The following ADGRG4 variants were observed in gnomAD, a reference collection of about 807,000 sequenced individuals.
The protein encoded by ADGRG4 is G protein-coupled receptor 112.
Under a neutral mutation model 126.2 loss-of-function variants are expected in ADGRG4, and 122 were observed. The observed-to-expected ratio is 0.97, with a 90% CI of 0.83 to 1.12. The LOEUF (loss-of-function observed/expected upper bound fraction) is 1.12. ADGRG4 is among the 50% of genes most tolerant of loss of function. The pLI, the probability that ADGRG4 is intolerant of heterozygous loss-of-function variation, is 0.00. For missense variants in ADGRG4, 2,481 were observed against 2,251.8 expected, an observed-to-expected ratio of 1.10 and a Z score of -2.06; for synonymous variants, 943 against 838.7, an observed-to-expected ratio of 1.12 and a Z score of -2.15.
At chrX:136,312,127 G>A (rs1361197183) in intron 4 of ADGRG4, among the ~76,000 whole-genome samples, 2 of 112,070 alleles carry the variant, frequency 1.8e-5, no homozygotes, top group Non-Finnish European at 3.8e-5. Context: ...CATGTGGCTA[G>A]GTTTTAATTA....
At chrX:136,416,370 A>G in intron 25 of ADGRG4, 84 bp from the exon 26 acceptor site, 1 of 718,332 alleles carries the variant, frequency 1.4e-6, no homozygotes, top group Non-Finnish European at 2.1e-6. Flanking sequence ...TTTTTCCTTC[A>G]TTTGATAAAA....
Position 136,405,862 on chromosome X carries a change from C to T in ADGRG4, c.8825C>T (p.Thr2942Ile). 4 of 1,205,658 alleles carry T rather than the reference C, an allele frequency of 3.3e-6. No homozygotes were observed. The highest frequency in any genetic ancestry group is 2.3e-4 in the Middle Eastern group (1 of 4,329). The part of the protein sequence containing the change: ...RKMILHDLKG[T>I]MSLTFLLGLT... ...ATGATCCTGCATGACCTCAAAGGCA[C>T]AATGAGCCTGACATTCTTACTTGGC... The change falls in exon 23 of 26, where the codon ACA (threonine) becomes ATA (isoleucine). Residue 2942 changes from threonine to isoleucine, a missense_variant. Coordinates refer to ENST00000394143, the MANE Select transcript of ADGRG4 (RefSeq NM_153834.4).
rs1368094123 is a variant in ADGRG4 at position 136,345,636 on chromosome X, G to T, written c.1930G>T (p.Glu644Ter). Residue 644 changes from glutamate to a stop codon, truncating the protein, a stop_gained, in exon 6 of 26, where the codon GAA (glutamate) becomes TAA (stop). Coordinates refer to ENST00000394143, the MANE Select transcript of ADGRG4 (RefSeq NM_153834.4). LOFTEE classifies it high-confidence loss of function. ...GTCAGGTCCCACATCCACAACTGAT[G>T]AAGCTGCCCATCTGTTCTCCAGCAA... is the stretch of plus-strand genomic sequence containing the variant. ...PESGPTSTTD[E>*]AAHLFSSNET... 1.7e-6 allele frequency: 2 copies of T among 1,211,011 alleles called. No individual in the cohort carries two copies. The highest frequency in any genetic ancestry group is 2.2e-6 in the Non-Finnish European group (2 of 895,076).
intron 8 of ADGRG4, 117 bp downstream of exon 8, chrX:136,353,518 A>T: frequency 1.9e-6 from 1 of 515,678 alleles, no homozygotes; most frequent in East Asian, 3.5e-5. Context: ...CCACATTTTT[A>T]GTTGCATCTT....
At chrX:136,412,938 C>G (rs180709642) in intron 24 of ADGRG4, among the ~76,000 whole-genome samples, 2 of 111,857 alleles carry the variant, frequency 1.8e-5, no homozygotes, top group East Asian at 5.6e-4. Flanking sequence ...CCATTCAATT[C>G]AGGCAGCTTC....
At chrX:136,401,911 C>T (rs2075381346) in intron 21 of ADGRG4, among the ~76,000 whole-genome samples, 1 of 111,656 alleles carries the variant, frequency 9.0e-6, no homozygotes, top group Non-Finnish European at 1.9e-5. Context: ...GGAGATGGCC[C>T]CGGAGCACCT....
intron 4 of ADGRG4, among the ~76,000 whole-genome samples, chrX:136,320,393 G>C (rs2074832513): frequency 9.0e-6 from 1 of 111,571 alleles, no homozygotes. Flanking sequence ...TACTTAATTG[G>C]CACTCCCACT....
intron 19 of ADGRG4, among the ~76,000 whole-genome samples, chrX:136,396,216 T>G (rs1327642682): frequency 9.1e-6 from 1 of 109,644 alleles, no homozygotes; most frequent in Non-Finnish European, 1.9e-5. Context: ...AATGTATTCC[T>G]TTTTCTCTAC....
At chrX:136,365,875 A>G (rs908113795) in intron 13 of ADGRG4, among the ~76,000 whole-genome samples, 1 of 111,608 alleles carries the variant, frequency 9.0e-6, no homozygotes, top group African/African-American at 3.3e-5. Flanking sequence ...TAATGTTTAT[A>G]GACTTTATTT....
At chrX:136,301,574 A>G (rs1460709690) in intron 1 of ADGRG4, among the ~76,000 whole-genome samples, 1 of 112,164 alleles carries the variant, frequency 8.9e-6, no homozygotes, top group Non-Finnish European at 1.9e-5. Flanking sequence ...TTTGCTGTGC[A>G]GAAGCCCTTT....
Position 136,400,104 on chromosome X carries a change from C to T in ADGRG4, c.8563C>T (p.Leu2855=). The change falls in exon 21 of 26, where the codon CTA becomes TTA. Residue 2855 remains leucine (L), a synonymous_variant. Transcript: ENST00000394143. The part of the protein sequence containing the change: ...YIPNYILKFC[L]VGWGIPAIMV... ...TCCAAATTATATCCTTAAATTTTGTCTAGTTGGTTGGGGTAAGTATATCTG... is the reference window on the plus strand; with the variant it reads ...TCCAAATTATATCCTTAAATTTTGTTTAGTTGGTTGGGGTAAGTATATCTG... 8.4e-7 allele frequency: 1 copy of T among 1,195,189 alleles called. No individual in the cohort carries two copies. The highest frequency in any genetic ancestry group is 3.0e-5 in the East Asian group (1 of 33,716).
chrX:136,416,845 G>A lies in ADGRG4; in HGVS notation c.*354G>A, dbSNP rs1038075080. The A allele has an allele frequency of 2.3e-5, 3 of 132,875 alleles. No individual in the cohort carries two copies. Among genetic ancestry groups the A allele is most frequent in the African/African-American group, 9.5e-5 (3 of 31,730 alleles). 11.0% of individuals were successfully genotyped at this position (132,875 alleles called of 1,213,427 possible). A position where few individuals can be genotyped will look rare whatever the true frequency, so the allele number is the denominator to read the frequency against. On this transcript the variant is annotated 3_prime_UTR_variant, in exon 26 of 26. Transcript: ENST00000394143. Reference sequence around the variant, plus strand: ...TATTTTAATTATTATTTTGTAAGGGGAAGAATAACATTTGATAAATATTAA... The same window carrying A: ...TATTTTAATTATTATTTTGTAAGGGAAAGAATAACATTTGATAAATATTAA...
intron 5 of ADGRG4, among the ~76,000 whole-genome samples, chrX:136,332,094 C>A (rs1359562732): frequency 9.2e-6 from 1 of 108,454 alleles, no homozygotes; most frequent in Admixed American, 9.9e-5. Context: ...CATGCTGATG[C>A]GCTGCACACA....
chrX:136,393,884 G>A (rs1394046002), intron 18 of ADGRG4, among the ~76,000 whole-genome samples: 1 of 111,794 alleles, frequency 8.9e-6, no homozygotes, highest in Non-Finnish European at 1.9e-5. Flanking sequence ...AAGTATCTTA[G>A]GCCCCAAAAA....
At chrX:136,372,663 G>T (rs932499114) in intron 14 of ADGRG4, among the ~76,000 whole-genome samples, 1 of 111,951 alleles carries the variant, frequency 8.9e-6, no homozygotes, top group African/African-American at 3.2e-5. Context: ...TTCAGGTGAG[G>T]AAACTGAAGC....
chrX:136,331,095 G>A (rs1056217452), intron 5 of ADGRG4, among the ~76,000 whole-genome samples: 2 of 110,891 alleles, frequency 1.8e-5, no homozygotes, highest in Non-Finnish European at 3.8e-5. Flanking sequence ...GAGAACATGC[G>A]ATGTTTGTTT....
At chrX:136,398,152 C>A in intron 20 of ADGRG4, 150 bp downstream of exon 20, 2 of 426,106 alleles carry the variant, frequency 4.7e-6, no homozygotes, top group South Asian at 1.5e-4. Flanking sequence ...AACAAAACAT[C>A]AAGGCTTCTC....
intron 13 of ADGRG4, among the ~76,000 whole-genome samples, chrX:136,366,814 T>C (rs2075161480): frequency 8.9e-6 from 1 of 111,976 alleles, no homozygotes; most frequent in African/African-American, 3.2e-5. Flanking sequence ...CATATGCATA[T>C]TTTCCATATT....
intron 5 of ADGRG4, among the ~76,000 whole-genome samples, chrX:136,342,833 T>A (rs1394379023): frequency 4.6e-5 from 5 of 108,281 alleles, no homozygotes; most frequent in African/African-American, 1.7e-4. Context: ...TAAGAAAAAA[T>A]TTTCTTTTTA....
Sources: gnomAD v4.1 joint callset for allele counts (sites outside exome capture counted in the v4.1 genomes callset) on GRCh38, gnomAD v4.1.1 for gene constraint, MANE v1.5 for transcripts, NCBI Gene and HGNC (gene_info 2026-07-23, HGNC 2026-07-21) for gene names.